KLHL13: variants seen among roughly 807,000 people sequenced by gnomAD.
The protein encoded by KLHL13 is kelch like family member 13.
In KLHL13, 10 loss-of-function variants were observed where a neutral mutation model predicts 37.1. That is an observed-to-expected ratio of 0.27 (90% CI 0.17 to 0.46). The LOEUF is 0.46. Among genes scored for constraint, KLHL13 ranks in the 20% least tolerant of loss-of-function variants. The probability of loss-of-function intolerance (pLI) is 1.00; values close to 1 mark genes in which losing one functional copy is unlikely to be tolerated. For synonymous variants in KLHL13, 163 were observed against 181.2 expected (o/e 0.90, Z 0.81); for missense variants, 360 against 509.3 (o/e 0.71, Z 2.82).
chrX:117,982,993 G>A (rs1464720975), intron 1 of KLHL13, among the ~76,000 whole-genome samples: 2 of 112,112 alleles, frequency 1.8e-5, no homozygotes, highest in African/African-American at 6.5e-5. Context: ...AGACAGATGC[G>A]AAGTGGGAAA....
intron 2 of KLHL13, among the ~76,000 whole-genome samples, chrX:117,942,361 G>C (rs1195629212): frequency 9.0e-6 from 1 of 111,396 alleles, no homozygotes; most frequent in Non-Finnish European, 1.9e-5. Flanking sequence ...GTCTAGAGCT[G>C]AGTTCAAGTC....
rs772191426 is a variant in KLHL13, at chrX:118,031,918, G to T, written c.-56+84590C>A. ...GCGAGCCGAAGCAGGGCAAGACATT[G>T]CCTCACTCAGGAAGCACAAGGGGTC... On this transcript the variant is annotated intron_variant, in intron 1 of 6. Coordinates refer to the KLHL13 transcript ENST00000371882. Among the ~76,000 whole-genome samples the T allele has an allele frequency of 1.5e-3, 169 of 109,916 alleles. 2 individuals are homozygous for T. The highest frequency in any genetic ancestry group is 5.4e-3 in the African/African-American group (164 of 30,214).
chrX:118,050,996 G>A (rs954242427), intron 1 of KLHL13, among the ~76,000 whole-genome samples: 3 of 111,053 alleles, frequency 2.7e-5, no homozygotes, highest in Non-Finnish European at 5.7e-5. Context: ...ATAAATGATT[G>A]TCTAAAAATT....
intron 1 of KLHL13, among the ~76,000 whole-genome samples, chrX:118,056,880 A>G (rs900592659): frequency 1.8e-5 from 2 of 112,239 alleles, no homozygotes; most frequent in Non-Finnish European, 3.8e-5. Context: ...GACATATAAT[A>G]GGTGTTCAAT....
intron 1 of KLHL13, among the ~76,000 whole-genome samples, chrX:118,106,912 A>G (rs1007353756): frequency 1.8e-5 from 2 of 112,306 alleles, no homozygotes; most frequent in African/African-American, 6.5e-5. Context: ...TACAGTAACC[A>G]TGATAAAAAC....
intron 1 of KLHL13, among the ~76,000 whole-genome samples, chrX:117,990,108 C>T (rs1435882829): frequency 9.0e-6 from 1 of 111,502 alleles, no homozygotes; most frequent in East Asian, 2.8e-4. Context: ...CATTAAAGGG[C>T]CTTTTCCTCC....
chrX:118,046,717 G>T (rs1317081407), intron 1 of KLHL13, among the ~76,000 whole-genome samples: 1 of 111,203 alleles, frequency 9.0e-6, no homozygotes, highest in Non-Finnish European at 1.9e-5. Context: ...AGCAGAAAAA[G>T]AATATATTCC....
chrX:118,030,798 G>T (rs1349071316), intron 1 of KLHL13, among the ~76,000 whole-genome samples: 1 of 103,097 alleles, frequency 9.7e-6, no homozygotes. Context: ...CTTGTCAGAT[G>T]CCAGCCTCTT....
At chrX:118,064,832 C>A (rs1351164552) in intron 1 of KLHL13, among the ~76,000 whole-genome samples, 5 of 111,361 alleles carry the variant, frequency 4.5e-5, no homozygotes, top group African/African-American at 1.6e-4. Context: ...AGGATAACAA[C>A]GCCTACTTCT....
intron 1 of KLHL13, among the ~76,000 whole-genome samples, chrX:118,035,514 C>T: frequency 9.2e-6 from 1 of 109,078 alleles, no homozygotes; most frequent in Non-Finnish European, 1.9e-5. Flanking sequence ...TCAAAAGATG[C>T]AGAAAAGGCC....
At chrX:117,924,167 A>C (rs1409994211) in intron 2 of KLHL13, among the ~76,000 whole-genome samples, 1 of 112,023 alleles carries the variant, frequency 8.9e-6, no homozygotes, top group African/African-American at 3.2e-5. Context: ...GTCAATTCAG[A>C]TTGTTTTCAA....
At chrX:118,099,212 G>C (rs2055254450) in intron 1 of KLHL13, among the ~76,000 whole-genome samples, 1 of 111,070 alleles carries the variant, frequency 9.0e-6, no homozygotes, top group Non-Finnish European at 1.9e-5. Flanking sequence ...AGATATTATG[G>C]AAATAGGTAT....
intron 1 of KLHL13, among the ~76,000 whole-genome samples, chrX:117,960,731 ATGTTT>A (rs1024244996): frequency 3.6e-5 from 4 of 111,973 alleles, no homozygotes; most frequent in Non-Finnish European, 7.5e-5. Flanking sequence ...TAAACTGAAA[ATGTTT>A]TGGGAAGGTA....
At chrX:118,099,107 A>T (rs1288672436) in intron 1 of KLHL13, among the ~76,000 whole-genome samples, 17 of 104,321 alleles carry the variant, frequency 1.6e-4, no homozygotes, top group Non-Finnish European at 3.9e-5. Context: ...CTTAAAGTAT[A>T]ATAATAATAA....
intron 1 of KLHL13, chrX:117,983,643 A>T: frequency 4.1e-6 from 2 of 487,183 alleles, no homozygotes; most frequent in African/African-American, 2.4e-5. Context: ...TTAGCTGTAA[A>T]TTAATAAACC....
intron 1 of KLHL13, among the ~76,000 whole-genome samples, chrX:118,048,633 A>G (rs1212661527): frequency 1.8e-5 from 2 of 112,210 alleles, no homozygotes; most frequent in African/African-American, 6.5e-5. Flanking sequence ...TCTGCCCTGA[A>G]GTCGGGACTA....
chrX:118,079,115 G>A (rs182876686), intron 1 of KLHL13, among the ~76,000 whole-genome samples: 381 of 110,556 alleles, frequency 3.4e-3, no homozygotes, highest in Non-Finnish European at 5.7e-3. Flanking sequence ...ATTCAAAGGA[G>A]AAAAAGAATT....
intron 1 of KLHL13, among the ~76,000 whole-genome samples, chrX:118,090,608 T>C (rs1476790259): frequency 1.8e-5 from 2 of 110,800 alleles, no homozygotes; most frequent in South Asian, 3.8e-4. Context: ...GAATGGTGAT[T>C]ATTAAAAAGT....
chrX:117,967,259 C>G (rs980714098), intron 1 of KLHL13, among the ~76,000 whole-genome samples: 21 of 111,383 alleles, frequency 1.9e-4, no homozygotes, highest in African/African-American at 6.8e-4. Flanking sequence ...ATGTTTATAC[C>G]GCCTTTCTCA....
Sources: allele counts gnomAD v4.1 joint callset (sites outside exome capture counted in the v4.1 genomes callset), GRCh38; gene constraint gnomAD v4.1.1; transcripts MANE v1.5; gene names NCBI Gene and HGNC (gene_info 2026-07-23, HGNC 2026-07-21).